The following VAV3 variants were observed in gnomAD, a reference collection of about 807,000 sequenced individuals.
The protein encoded by VAV3 is guanine nucleotide exchange factor VAV3.
VAV3 carries 94 observed loss-of-function variants against 131.2 expected under a neutral mutation model. That is an observed-to-expected ratio of 0.72 (90% CI 0.61 to 0.85). The LOEUF is 0.85. VAV3 is among the 40% of genes least tolerant of loss of function. The pLI, the probability that VAV3 is intolerant of heterozygous loss-of-function variation, is 0.00. For missense variants in VAV3, 939 were observed against 1,002.7 expected, an observed-to-expected ratio of 0.94 and a Z score of 0.86; for synonymous variants, 349 against 342.0, an observed-to-expected ratio of 1.02 and a Z score of -0.22.
intron 24 of VAV3, among the ~76,000 whole-genome samples, chr1:107,600,371 T>C (rs1232074023): frequency 6.6e-6 from 1 of 152,202 alleles, no homozygotes; most frequent in Non-Finnish European, 1.5e-5. Context: ...CATAATTACA[T>C]CCTTTGCTAA....
chr1:107,936,948 A>G (rs1673746071), intron 1 of VAV3, among the ~76,000 whole-genome samples: 2 of 152,076 alleles, frequency 1.3e-5, no homozygotes. Flanking sequence ...CCTTTTACTT[A>G]CTTCTCAATG....
At chr1:107,880,114 C>T (rs922585134) in intron 1 of VAV3, among the ~76,000 whole-genome samples, 2 of 152,146 alleles carry the variant, frequency 1.3e-5, no homozygotes, top group Admixed American at 6.6e-5. Context: ...AGTGAGTCCA[C>T]GGTTGCACAA....
intron 1 of VAV3, among the ~76,000 whole-genome samples, chr1:107,901,310 C>A (rs984033109): frequency 2.6e-5 from 4 of 152,172 alleles, no homozygotes; most frequent in African/African-American, 9.7e-5. Context: ...AACACCACAG[C>A]AAACTCAGAG....
intron 1 of VAV3, among the ~76,000 whole-genome samples, chr1:107,886,458 T>C (rs1214174474): frequency 6.6e-6 from 1 of 152,206 alleles, no homozygotes. Flanking sequence ...CTGCCACTTA[T>C]CTAGACTTGT....
chr1:107,885,588 A>T (rs1421309315), intron 1 of VAV3, among the ~76,000 whole-genome samples: 3 of 152,128 alleles, frequency 2.0e-5, no homozygotes, highest in Non-Finnish European at 2.9e-5. Flanking sequence ...TAGGAGGTAC[A>T]TTTACCTGCC....
chr1:107,575,300 A>G (rs1368618823), intron 25 of VAV3, among the ~76,000 whole-genome samples: 1 of 152,174 alleles, frequency 6.6e-6, no homozygotes, highest in Non-Finnish European at 1.5e-5. Context: ...AAAGAGACAA[A>G]TGGGAAACAC....
intron 19 of VAV3, among the ~76,000 whole-genome samples, chr1:107,655,542 G>A (rs1450392564): frequency 6.6e-6 from 1 of 152,030 alleles, no homozygotes; most frequent in Non-Finnish European, 1.5e-5. Context: ...TCACAGAAAT[G>A]CTCCAGGACA....
At chr1:107,584,156 G>A (rs1024869371) in intron 25 of VAV3, among the ~76,000 whole-genome samples, 9 of 152,196 alleles carry the variant, frequency 5.9e-5, no homozygotes, top group African/African-American at 2.2e-4. Context: ...AAGCAATGGG[G>A]AAAGGATTCC....
chr1:107,669,326 G>C, intron 19 of VAV3: 1 of 1,289,708 alleles, frequency 7.8e-7, no homozygotes. Flanking sequence ...CTGGACACCA[G>C]CCTTGTCTGT....
At chr1:107,739,538 A>G (rs1279887445) in intron 15 of VAV3, among the ~76,000 whole-genome samples, 4 of 152,230 alleles carry the variant, frequency 2.6e-5, no homozygotes, top group Admixed American at 6.5e-5. Context: ...CCCAGAGGCA[A>G]CTGATGGTGC....
intron 2 of VAV3, among the ~76,000 whole-genome samples, chr1:107,848,566 A>G (rs1336826817): frequency 6.6e-6 from 1 of 152,200 alleles, no homozygotes; most frequent in African/African-American, 2.4e-5. Flanking sequence ...TACTGATGGA[A>G]CATATCGCAA....
chr1:107,587,526 T>C (rs1305331926), intron 25 of VAV3, among the ~76,000 whole-genome samples: 1 of 152,226 alleles, frequency 6.6e-6, no homozygotes, highest in African/African-American at 2.4e-5. Flanking sequence ...AGCACTATGG[T>C]AAATTAACTG....
In VAV3 at chr1:107,722,047, T is replaced by C. The variant is rs147034362; in HGVS notation, c.1503-16986A>G. On this transcript the variant is annotated intron_variant, in intron 15 of 26. Coordinates refer to ENST00000370056, the MANE Select transcript of VAV3 (RefSeq NM_006113.5). ...CCCTGAGATTTGGGCTGGACTTTAT[T>C]CTGGTGGTTAGTATCTGGGTATCCA... Among the ~76,000 whole-genome samples the C allele has an allele frequency of 9.3e-4, 141 of 152,338 alleles. 1 individual carries two copies. The highest frequency in any genetic ancestry group is 3.0e-3 in the African/African-American group (126 of 41,578).
At chr1:107,758,734 G>T (rs1472039128) in intron 10 of VAV3, among the ~76,000 whole-genome samples, 12 of 152,024 alleles carry the variant, frequency 7.9e-5, no homozygotes, top group Non-Finnish European at 1.5e-5. Flanking sequence ...CCCCACAAAA[G>T]CTTCAGGTTG....
At chr1:107,779,114 A>AATTTT (rs1031096039) in intron 3 of VAV3, among the ~76,000 whole-genome samples, 2 of 152,032 alleles carry the variant, frequency 1.3e-5, no homozygotes, top group Non-Finnish European at 2.9e-5. Flanking sequence ...TTATTTACTT[A>AATTTT]AGCATTTGTG....
rs553557472 is a variant in VAV3, at chr1:107,692,084, A to G, written c.1706-3678T>C. Among the ~76,000 whole-genome samples the G allele has an allele frequency of 4.6e-5, 7 of 152,264 alleles. No homozygotes were observed. In the South Asian group the frequency reaches 1.4e-3, roughly 32 times the overall value. On this transcript the variant is annotated intron_variant, in intron 17 of 26. Transcript: ENST00000370056. The stretch of plus-strand genomic sequence containing the variant: ...AAGACTGCCTATCTCAACAGGGGCC[A>G]CAGAAAAGTAATTACCAGTACAGTT...
intron 1 of VAV3, among the ~76,000 whole-genome samples, chr1:107,957,879 C>T (rs1674891623): frequency 6.8e-6 from 1 of 148,026 alleles, no homozygotes. Context: ...TTTTCTCCAT[C>T]TTAAAAAAAA....
intron 3 of VAV3, among the ~76,000 whole-genome samples, chr1:107,778,207 T>C (rs889465811): frequency 8.5e-5 from 13 of 152,330 alleles, no homozygotes; most frequent in African/African-American, 2.9e-4. Flanking sequence ...ATTAATTTAA[T>C]ACTGAAGACA....
At chr1:107,888,559 T>C (rs994998958) in intron 1 of VAV3, among the ~76,000 whole-genome samples, 1 of 152,132 alleles carries the variant, frequency 6.6e-6, no homozygotes, top group Non-Finnish European at 1.5e-5. Flanking sequence ...CCCAGGTTCA[T>C]GCGATTCTCC....
Sources: gnomAD v4.1 joint callset for allele counts (sites outside exome capture counted in the v4.1 genomes callset) on GRCh38, gnomAD v4.1.1 for gene constraint, MANE v1.5 for transcripts, NCBI Gene and HGNC (gene_info 2026-07-23, HGNC 2026-07-21) for gene names.